The following KCNQ2 variants were observed in gnomAD, a reference collection of about 807,000 sequenced individuals.
KCNQ2 encodes the protein potassium voltage-gated channel subfamily KQT member 2.
KCNQ2 carries 14 observed loss-of-function variants against 84.8 expected under a neutral mutation model. That is an observed-to-expected ratio of 0.17 (90% CI 0.11 to 0.26). The LOEUF (loss-of-function observed/expected upper bound fraction) is 0.26. KCNQ2 is among the 10% of genes least tolerant of loss of function. The pLI is 1.00. For missense variants in KCNQ2, 788 were observed against 1,254.0 expected, an observed-to-expected ratio of 0.63 and a Z score of 5.61; for synonymous variants, 599 against 554.1, an observed-to-expected ratio of 1.08 and a Z score of -1.14.
chr20:63,445,481 C>T, intron 2 of KCNQ2, 117 bp from the exon 3 acceptor site: 1 of 1,209,950 alleles, frequency 8.3e-7, no homozygotes, highest in Non-Finnish European at 1.2e-6. Context: ...CAGGAGGCCC[C>T]CAAAGGAAAC....
rs375583371 is a variant in KCNQ2 at position 63,413,438 on chromosome 20, C to T, written c.1763+12G>A. 5.3e-5 allele frequency: 85 copies of T among 1,612,564 alleles called. 1 individual carries two copies. The highest frequency in any genetic ancestry group is 3.3e-4 in the South Asian group (30 of 91,084). On this transcript the variant is annotated intron_variant, in intron 15 of 16. Transcript: ENST00000359125. ...TCTTGTCCCCTGCTGGACAGGCAGG[C>T]GGGGCTCTTGCCTGGACTGCAGGCT... is the stretch of plus-strand genomic sequence containing the variant.
intron 1 of KCNQ2, among the ~76,000 whole-genome samples, chr20:63,470,373 G>A (rs1234226832): frequency 6.6e-6 from 1 of 152,216 alleles, no homozygotes; most frequent in Non-Finnish European, 1.5e-5. Context: ...TATCTTAGAG[G>A]GGGCCCGTCC....
chr20:63,441,868 C>CG (rs1425177914), intron 5 of KCNQ2, among the ~76,000 whole-genome samples: 2 of 152,214 alleles, frequency 1.3e-5, no homozygotes, highest in African/African-American at 2.4e-5. Context: ...CCGGCATGTG[C>CG]GGGGCTAGGC....
At position 63,414,069 on chromosome 20, in the gene KCNQ2, G is replaced by A. The variant is rs770084619; in HGVS notation, c.1631+19C>T. 30 of 1,597,218 alleles carry A rather than the reference G, an allele frequency of 1.9e-5. No individual in the cohort carries two copies. In the Admixed American group the frequency reaches 2.3e-4, roughly 12 times the overall value. The stretch of plus-strand genomic sequence containing the variant: ...CCCCTCCTCACTCCCCCAGGCTCCC[G>A]GCTGGGCAGGGGCCTCACCACACGG... On this transcript the variant is annotated intron_variant, in intron 14 of 16. Coordinates refer to ENST00000359125, the MANE Select transcript of KCNQ2 (RefSeq NM_172107.4). This position sits in a 1 kb window ranked among gnomAD's most constrained non-coding sequence, Gnocchi z 6.6.
At chr20:63,432,061 ACTCCACCCACAGGGAAGG>A (rs2080815308) in intron 8 of KCNQ2, among the ~76,000 whole-genome samples, 1 of 22,180 alleles carries the variant, frequency 4.5e-5, no homozygotes, top group Admixed American at 4.5e-4. Flanking sequence ...CACAGGGAAG[ACTCCACCCACAGGGAAGG>A]CCCCACCCAC....
At chr20:63,420,893 C>T (rs1033888257) in intron 11 of KCNQ2, among the ~76,000 whole-genome samples, 5 of 152,196 alleles carry the variant, frequency 3.3e-5, no homozygotes, top group East Asian at 1.9e-4. Context: ...TAACCACGAA[C>T]GCGACGGTGG....
rs2080027566 is a variant in KCNQ2, at chr20:63,408,835, C to T, written c.1764-299G>A. Reference sequence around the variant, plus strand: ...GAGTCGCCCGGCTCCTCTCCGTGGGCTCCCGGCTCCATACCGCCCCCTCCA... The same window carrying T: ...GAGTCGCCCGGCTCCTCTCCGTGGGTTCCCGGCTCCATACCGCCCCCTCCA... On this transcript the variant is annotated intron_variant, in intron 15 of 16. Transcript: ENST00000359125. This position sits in a 1 kb window ranked among gnomAD's most constrained non-coding sequence, Gnocchi z 5.0. 6.6e-6 allele frequency among the ~76,000 whole-genome samples: 1 copy of T among 152,180 alleles called. No individual in the cohort carries two copies. The highest frequency in any genetic ancestry group is 6.5e-5 in the Admixed American group (1 of 15,288).
Position 63,442,547 on chromosome 20 carries a change from CACCACCATCATG to C in KCNQ2, c.691-28_691-17del. 1.2e-6 allele frequency: 2 copies of C among 1,612,534 alleles called. No homozygotes were observed. Among genetic ancestry groups the C allele is most frequent in the Non-Finnish European group, 1.7e-6 (2 of 1,179,716 alleles). On this transcript the variant is annotated splice_polypyrimidine_tract_variant and intron_variant, in intron 4 of 16. Transcript: ENST00000359125. ...TGACCAGCTCCTGAGAGGCAGACGG[CACCACCATCATG>C]ACCACCATCACCAGAAGCATCACCA...
At chr20:63,442,580 C>G (rs1284151455) in intron 4 of KCNQ2, 49 bp from the exon 5 acceptor site, 4 of 1,595,610 alleles carry the variant, frequency 2.5e-6, no homozygotes, top group Non-Finnish European at 3.4e-6. Flanking sequence ...CCAGAAGCAT[C>G]ACCATCACCA....
chr20:63,460,356 C>A lies in KCNQ2; in HGVS notation c.296+11812G>T, dbSNP rs1230298422. 1.3e-5 allele frequency among the ~76,000 whole-genome samples: 2 copies of A among 152,174 alleles called. No homozygotes were observed. The highest frequency in any genetic ancestry group is 1.9e-4 in the East Asian group (1 of 5,188). On this transcript the variant is annotated intron_variant, in intron 1 of 16. Coordinates refer to ENST00000359125, the MANE Select transcript of KCNQ2 (RefSeq NM_172107.4). The surrounding 1 kb of genome is among the most constrained non-coding windows in gnomAD (Gnocchi z 5.4). The stretch of plus-strand genomic sequence containing the variant: ...AGACATCCCACACTCCCTTCATGGG[C>A]TCAAGCTGCCTGTCAGCCCCACCCG...
chr20:63,442,318 G>A, intron 5 of KCNQ2, 88 bp downstream of exon 5: 2 of 1,589,528 alleles, frequency 1.3e-6, no homozygotes, highest in Non-Finnish European at 1.7e-6. Context: ...GATGTATGGA[G>A]CAGGCTCAGC....
Position 63,407,148 on chromosome 20 carries a change from CG to C in KCNQ2, c.2114del (p.Pro705ArgfsTer225), listed in dbSNP as rs1555850868. On this transcript the variant is annotated frameshift_variant, in exon 17 of 17. Coordinates refer to ENST00000359125, the MANE Select transcript of KCNQ2 (RefSeq NM_172107.4). LOFTEE classifies it high-confidence loss of function. This position sits in a 1 kb window ranked among gnomAD's most constrained non-coding sequence, Gnocchi z 7.2. ...GCGGACACTGGACAGGGGGCGCGGC[CG>C]GGGGCGCCGAGAAGTTCTTCTGGCC... Reference protein sequence around the residue: ...STGQKNFSAPPAAPPVQCPPS... With the variant: ...STGQKNFSAPXAAPPVQCPPS... 4 of 1,580,934 alleles carry C rather than the reference CG, an allele frequency of 2.5e-6. No individual in the cohort carries two copies. The highest frequency in any genetic ancestry group is 1.7e-6 in the Non-Finnish European group (2 of 1,167,138).
intron 8 of KCNQ2, 49 bp from the exon 9 acceptor site, chr20:63,431,418 A>G (rs1313500560): frequency 6.3e-7 from 1 of 1,595,172 alleles, no homozygotes; most frequent in South Asian, 1.1e-5. Context: ...GAAAATTTCA[A>G]AAAGAACGGG....
At position 63,408,896 on chromosome 20, in the gene KCNQ2, G is replaced by A. The variant is rs961894249; in HGVS notation, c.1764-360C>T. 8.5e-5 allele frequency among the ~76,000 whole-genome samples: 13 copies of A among 152,222 alleles called. No individual in the cohort carries two copies. Among genetic ancestry groups the A allele is most frequent in the African/African-American group, 1.4e-4 (6 of 41,454 alleles). ...CCTGCTCACCCTCTTCCCTGCCCAA[G>A]GCCTATTGGCCCCACAGCCCACGGA... On this transcript the variant is annotated intron_variant, in intron 15 of 16. Coordinates refer to ENST00000359125, the MANE Select transcript of KCNQ2 (RefSeq NM_172107.4). The surrounding 1 kb of genome is among the most constrained non-coding windows in gnomAD (Gnocchi z 5.0).
intron 5 of KCNQ2, among the ~76,000 whole-genome samples, chr20:63,441,162 G>A (rs578119494): frequency 2.9e-5 from 1 of 34,118 alleles, no homozygotes; most frequent in African/African-American, 1.1e-4. Context: ...AAAGGAAGCC[G>A]GAGGCCTGGC....
intron 1 of KCNQ2, among the ~76,000 whole-genome samples, chr20:63,449,645 C>T (rs1432065455): frequency 6.6e-6 from 1 of 152,104 alleles, no homozygotes; most frequent in African/African-American, 2.4e-5. Context: ...GGGAGCACCG[C>T]AGAGAGAGGA....
At chr20:63,441,583 G>C (rs979283499) in intron 5 of KCNQ2, among the ~76,000 whole-genome samples, 2 of 152,124 alleles carry the variant, frequency 1.3e-5, no homozygotes, top group Admixed American at 1.3e-4. Flanking sequence ...AAAGTCCTAG[G>C]GCCCAGCAGT....
chr20:63,442,192 T>C (rs1316759631), intron 5 of KCNQ2, among the ~76,000 whole-genome samples: 1 of 151,922 alleles, frequency 6.6e-6, no homozygotes, highest in Non-Finnish European at 1.5e-5. Context: ...ACGGCTGAGC[T>C]CAGGCTCTCT....
At position 63,406,485 on chromosome 20, in the gene KCNQ2, G is replaced by A; in HGVS notation, c.*159C>T. ...AACTTTTGTAAAAGGTCACTGCCAGGAGCCCCCATCCTTCAGCCCACATGG... is the reference window on the plus strand; with the variant it reads ...AACTTTTGTAAAAGGTCACTGCCAGAAGCCCCCATCCTTCAGCCCACATGG... On this transcript the variant is annotated 3_prime_UTR_variant, in exon 17 of 17. Transcript: ENST00000359125. 3.6e-6 allele frequency: 3 copies of A among 844,268 alleles called. No homozygotes were observed. The highest frequency in any genetic ancestry group is 5.3e-6 in the Non-Finnish European group (3 of 562,188). 52.3% of individuals were successfully genotyped at this position (844,268 alleles called of 1,614,324 possible).
Sources: gnomAD v4.1 joint callset for allele counts (sites outside exome capture counted in the v4.1 genomes callset) on GRCh38, gnomAD v4.1.1 for gene constraint, Gnocchi (gnomAD v3.1) non-coding constraint, MANE v1.5 for transcripts, NCBI Gene and HGNC (gene_info 2026-07-23, HGNC 2026-07-21) for gene names.